Variants in PRKRIP1 observed in about 807,000 individuals in gnomAD.
The protein encoded by PRKRIP1 is PRKR interacting protein 1.
Under a neutral mutation model 29.3 loss-of-function variants are expected in PRKRIP1, and 29 were observed. The observed-to-expected ratio is 0.99, with a 90% CI of 0.74 to 1.35. The LOEUF is 1.35. Among genes scored for constraint, PRKRIP1 ranks in the 40% most tolerant of loss-of-function variants. PRKRIP1 has a pLI of 0.00. For synonymous variants in PRKRIP1, 90 were observed against 85.1 expected, an observed-to-expected ratio of 1.06 and a Z score of -0.32; for missense variants, 247 against 236.8, an observed-to-expected ratio of 1.04 and a Z score of -0.28.
Position 102,425,068 on chromosome 7 carries a change from C to A in PRKRIP1, c.512C>A (p.Thr171Lys). ...AGCAGCTCTGCGGAGGCATCTGGAA[C>A]AGAGGAGGAGGAGGAAGTGCCCAGT... The part of the protein sequence containing the change: ...GSSSSAEASG[T>K]EEEEEVPSFT... The change falls in exon 6 of 6, where the codon ACA becomes AAA. Residue 171 changes from threonine to lysine, a missense_variant. Physicochemically the swap from Thr to Lys is moderately conservative, Grantham distance 78. Around this residue, in one of 3 missense-constraint regions of PRKRIP1, gnomAD observed 134 missense variants for 126.6 expected, o/e 1.06. Coordinates refer to ENST00000397912, the MANE Select transcript of PRKRIP1 (RefSeq NM_024653.4). 1 of 1,613,652 alleles carries A rather than the reference C, an allele frequency of 6.2e-7. No individual in the cohort carries two copies.
chr7:102,408,226 T>C (rs934389807), intron 5 of PRKRIP1, among the ~76,000 whole-genome samples: 55 of 152,280 alleles, frequency 3.6e-4, no homozygotes, highest in South Asian at 4.1e-4. Flanking sequence ...CTTTTTTAAA[T>C]TGGAGAGCAA....
chr7:102,421,106 G>C (rs1273897029), intron 5 of PRKRIP1, among the ~76,000 whole-genome samples: 1 of 152,188 alleles, frequency 6.6e-6, no homozygotes, highest in Admixed American at 6.5e-5. Context: ...CAGATCCCCT[G>C]TGGGTAACAG....
chr7:102,419,831 GT>G (rs1226790232), intron 5 of PRKRIP1, among the ~76,000 whole-genome samples: 2 of 147,436 alleles, frequency 1.4e-5, no homozygotes, highest in Non-Finnish European at 3.0e-5. Flanking sequence ...GTGTGCTACT[GT>G]TTTTTTGTGT....
In PRKRIP1 at chr7:102,424,144, G is replaced by A. The variant is rs554922854; in HGVS notation, c.458-870G>A. 1.5e-3 allele frequency among the ~76,000 whole-genome samples: 229 copies of A among 152,374 alleles called. 1 individual carries two copies. In the Middle Eastern group the frequency reaches 0.037, roughly 25 times the overall value. On this transcript the variant is annotated intron_variant, in intron 5 of 5. Coordinates refer to ENST00000397912, the MANE Select transcript of PRKRIP1 (RefSeq NM_024653.4). Reference sequence around the variant, plus strand: ...GAATTTTAGGCTGGGCTGTGCCTTTGGCTGTGCAGGGCCTCCTGCTTAGAG... The same window carrying A: ...GAATTTTAGGCTGGGCTGTGCCTTTAGCTGTGCAGGGCCTCCTGCTTAGAG...
At chr7:102,424,006 G>T (rs1796773059) in intron 5 of PRKRIP1, among the ~76,000 whole-genome samples, 1 of 152,250 alleles carries the variant, frequency 6.6e-6, no homozygotes, top group Non-Finnish European at 1.5e-5. Context: ...GTGGTATGAG[G>T]TTGAGGGGAA....
intron 5 of PRKRIP1, 32 bp from the exon 6 acceptor site, chr7:102,424,982 A>C: frequency 6.2e-7 from 1 of 1,600,718 alleles, no homozygotes; most frequent in Non-Finnish European, 8.5e-7. Context: ...ACGATTTTGC[A>C]TGTCTGTAAT....
intron 3 of PRKRIP1, among the ~76,000 whole-genome samples, chr7:102,403,192 A>G (rs1353613737): frequency 6.6e-6 from 1 of 152,182 alleles, no homozygotes; most frequent in Non-Finnish European, 1.5e-5. Context: ...CTCAGCTTCT[A>G]AGCAAATCAG....
chr7:102,396,526 A>G lies in PRKRIP1; in HGVS notation c.115A>G (p.Met39Val), dbSNP rs782143130. The change falls in exon 1 of 6, where the codon ATG becomes GTG. Residue 39 changes from methionine to valine, a missense_variant. Around this residue, in one of 3 missense-constraint regions of PRKRIP1, gnomAD observed 105 missense variants for 80.2 expected, o/e 1.31. Transcript: ENST00000397912. ...EEQKLKLERLMKNPDKAVPIP... is the reference protein window; with the variant it reads ...EEQKLKLERLVKNPDKAVPIP... Reference sequence around the variant, plus strand: ...GCAGAAGCTCAAGCTGGAGCGGCTCATGAAGAACCCGGTGAGACGAGGCCC... The same window carrying G: ...GCAGAAGCTCAAGCTGGAGCGGCTCGTGAAGAACCCGGTGAGACGAGGCCC... The G allele has an allele frequency of 4.4e-6, 7 of 1,608,284 alleles. No individual in the cohort carries two copies. The South Asian group carries it at 4.4e-5, about 10-fold the overall frequency.
At chr7:102,421,553 CT>C (rs1331394984) in intron 5 of PRKRIP1, among the ~76,000 whole-genome samples, 2 of 152,032 alleles carry the variant, frequency 1.3e-5, no homozygotes, top group African/African-American at 4.8e-5. Flanking sequence ...AATCCCAGCA[CT>C]TTGGGAGGCC....
intron 1 of PRKRIP1, among the ~76,000 whole-genome samples, chr7:102,397,411 G>A (rs1795937344): frequency 6.6e-6 from 1 of 151,960 alleles, no homozygotes. Flanking sequence ...CTGGTGTGGT[G>A]GTGTACGCCT....
intron 5 of PRKRIP1, among the ~76,000 whole-genome samples, chr7:102,419,346 G>A (rs1455597093): frequency 1.3e-5 from 2 of 152,068 alleles, no homozygotes; most frequent in African/African-American, 4.8e-5. Flanking sequence ...CCCTGGAGGT[G>A]GAGGTTGCTG....
chr7:102,421,907 C>T (rs1199598573), intron 5 of PRKRIP1, among the ~76,000 whole-genome samples: 3 of 152,076 alleles, frequency 2.0e-5, no homozygotes, highest in Admixed American at 6.6e-5. Context: ...TCTCATGACA[C>T]AGCTGTGCTG....
Position 102,397,679 on chromosome 7 carries a change from A to G in PRKRIP1, c.186A>G (p.Glu62=), listed in dbSNP as rs782353666. The change falls in exon 2 of 6, where the codon GAA becomes GAG. Residue 62 remains glutamate, a synonymous_variant. Transcript: ENST00000397912. ...AATGGGCACCTCGACCTCCCCCAGA[A>G]TTTGTCCGAGATGTCATGGGTAATG... ...MSEWAPRPPP[E]FVRDVMGSSA... is the part of the protein sequence containing the mutation. The G allele has an allele frequency of 6.2e-7, 1 of 1,612,822 alleles. No homozygotes were observed. Among genetic ancestry groups the G allele is most frequent in the South Asian group, 1.1e-5 (1 of 90,976 alleles).
chr7:102,399,369 A>G (rs1000327248), intron 2 of PRKRIP1, among the ~76,000 whole-genome samples, 179 bp from the exon 3 acceptor site: 4 of 152,164 alleles, frequency 2.6e-5, no homozygotes, highest in Non-Finnish European at 4.4e-5. Context: ...CATAGAACAA[A>G]TAATTCACGA....
Position 102,425,487 on chromosome 7 carries a change from CT to C in PRKRIP1, c.*377del. The C allele has an allele frequency of 3.3e-6, 1 of 305,804 alleles. No individual in the cohort carries two copies. Among genetic ancestry groups the C allele is most frequent in the Admixed American group, 5.2e-5 (1 of 19,330 alleles). The allele number at this position is 305,804 out of a possible 1,614,324, so 18.9% of individuals were successfully genotyped here. On this transcript the variant is annotated 3_prime_UTR_variant, in exon 6 of 6. Transcript: ENST00000397912. ...ACATGTGGACCGTGAGTCGCAAACA[CT>C]CTGGAGAAGGCTGAGATGCCACCAT... is the stretch of plus-strand genomic sequence containing the variant.
intron 5 of PRKRIP1, among the ~76,000 whole-genome samples, chr7:102,408,759 C>T (rs1035099868): frequency 1.3e-5 from 2 of 152,198 alleles, no homozygotes; most frequent in Non-Finnish European, 2.9e-5. Flanking sequence ...TGCCTATAAT[C>T]GCAGCTACTT....
At chr7:102,397,063 A>T (rs545360394) in intron 1 of PRKRIP1, among the ~76,000 whole-genome samples, 1 of 152,080 alleles carries the variant, frequency 6.6e-6, no homozygotes, top group South Asian at 2.1e-4. Context: ...TCTAGCTGGA[A>T]ACTATGGCTT....
intron 3 of PRKRIP1, among the ~76,000 whole-genome samples, chr7:102,404,048 C>T (rs1796142408): frequency 2.0e-5 from 3 of 152,172 alleles, no homozygotes; most frequent in Admixed American, 2.0e-4. Flanking sequence ...CACCCATAGT[C>T]CCAAGTACTC....
At chr7:102,398,609 G>A (rs559080232) in intron 2 of PRKRIP1, among the ~76,000 whole-genome samples, 4 of 152,150 alleles carry the variant, frequency 2.6e-5, no homozygotes, top group African/African-American at 4.8e-5. Flanking sequence ...TCTTAATAAC[G>A]CATTGTGGTT....
Sources: gnomAD v4.1 joint callset for allele counts (sites outside exome capture counted in the v4.1 genomes callset) on GRCh38, gnomAD v4.1.1 for gene constraint, gnomAD v4.1.1 regional missense constraint, MANE v1.5 for transcripts, NCBI Gene and HGNC (gene_info 2026-07-23, HGNC 2026-07-21) for gene names.